GLUD1: variants seen among roughly 807,000 people sequenced by gnomAD.
GLUD1 encodes the protein glutamate dehydrogenase 1.
Under a neutral mutation model 56.0 loss-of-function variants are expected in GLUD1, and 22 were observed. That is an observed-to-expected ratio of 0.39 (90% CI 0.28 to 0.56). The LOEUF (loss-of-function observed/expected upper bound fraction) is 0.56. Ranked by LOEUF, GLUD1 falls within the 20% of genes least tolerant of loss-of-function variation. The probability of loss-of-function intolerance (pLI) is 0.58; values close to 1 mark genes in which losing one functional copy is unlikely to be tolerated. For synonymous variants in GLUD1, 223 were observed against 269.9 expected (o/e 0.83, Z 1.70); for missense variants, 451 against 732.0 (o/e 0.62, Z 4.43).
At chr10:87,063,832 G>C (rs978783887) in intron 5 of GLUD1, among the ~76,000 whole-genome samples, 10 of 152,076 alleles carry the variant, frequency 6.6e-5, no homozygotes, top group Admixed American at 2.6e-4. Context: ...CTGCAAAGTG[G>C]AGATGGGGGT....
intron 1 of GLUD1, among the ~76,000 whole-genome samples, chr10:87,078,666 TG>T (rs1841119187): frequency 6.6e-6 from 1 of 152,194 alleles, no homozygotes. Flanking sequence ...TTGACATACA[TG>T]TTAAGTTTTA....
At chr10:87,078,941 C>G (rs567362989) in intron 1 of GLUD1, among the ~76,000 whole-genome samples, 2 of 152,254 alleles carry the variant, frequency 1.3e-5, no homozygotes, top group South Asian at 4.1e-4. Flanking sequence ...GAGTTTGAAA[C>G]CAGCCTGGCC....
chr10:87,066,338 C>T (rs772559504), intron 5 of GLUD1, among the ~76,000 whole-genome samples: 1 of 152,160 alleles, frequency 6.6e-6, no homozygotes, highest in Non-Finnish European at 1.5e-5. Context: ...TGAGTCACAC[C>T]TGCTTGAAAC....
Position 87,051,358 on chromosome 10 carries a change from T to TA in GLUD1, c.*392dup. On this transcript the variant is annotated 3_prime_UTR_variant, in exon 13 of 13. Transcript: ENST00000277865. The stretch of plus-strand genomic sequence containing the variant: ...CCACACACCTACTTCTTAAATGTGT[T>TA]AAAGTTACAGTGTGTCCCAGACTCA... The TA allele has an allele frequency of 3.3e-6, 1 of 306,250 alleles. No individual in the cohort carries two copies. The highest frequency in any genetic ancestry group is 4.6e-5 in the Admixed American group (1 of 21,960). 19.0% of individuals were successfully genotyped at this position (306,250 alleles called of 1,614,324 possible).
chr10:87,059,079 A>G, intron 10 of GLUD1, 71 bp downstream of exon 10: 8 of 1,562,510 alleles, frequency 5.1e-6, no homozygotes, highest in Non-Finnish European at 7.1e-6. Flanking sequence ...AGTTCTCTTA[A>G]GTGGACCTTT....
In GLUD1 at chr10:87,094,066, T is replaced by C. The variant is rs1411996951; in HGVS notation, c.445+259A>G. 11 of 1,515,228 alleles carry C rather than the reference T, an allele frequency of 7.3e-6. No homozygotes were observed. Among genetic ancestry groups the C allele is most frequent in the Non-Finnish European group, 8.8e-6 (10 of 1,134,178 alleles). 93.9% of individuals were successfully genotyped at this position (1,515,228 alleles called of 1,614,324 possible). The stretch of plus-strand genomic sequence containing the variant: ...AAGGAGACCGGTGCAGCGTCTACTC[T>C]GCATGCAAGATCAGCATATACAGAG... On this transcript the variant is annotated intron_variant, in intron 1 of 12. Transcript: ENST00000277865. The surrounding 1 kb of genome is among the most constrained non-coding windows in gnomAD (Gnocchi z 6.6).
intron 5 of GLUD1, among the ~76,000 whole-genome samples, chr10:87,066,687 G>C (rs1846085415): frequency 6.6e-6 from 1 of 152,198 alleles, no homozygotes; most frequent in African/African-American, 2.4e-5. Context: ...AGGACTGGAT[G>C]GGCCTGTGAT....
Position 87,051,540 on chromosome 10 carries a change from G to T in GLUD1, c.*211C>A. ...ATACCAAAATGGCTCTCTGGTGTAGGTGATTTCTACTTTCACACTCAGCTT... is the reference window on the plus strand; with the variant it reads ...ATACCAAAATGGCTCTCTGGTGTAGTTGATTTCTACTTTCACACTCAGCTT... On this transcript the variant is annotated 3_prime_UTR_variant, in exon 13 of 13. Coordinates refer to ENST00000277865, the MANE Select transcript of GLUD1 (RefSeq NM_005271.5). 3.1e-6 allele frequency: 2 copies of T among 652,788 alleles called. No homozygotes were observed. The highest frequency in any genetic ancestry group is 2.8e-6 in the Non-Finnish European group (1 of 358,312). 40.4% of individuals were successfully genotyped at this position (652,788 alleles called of 1,614,324 possible). A position where few individuals can be genotyped will look rare whatever the true frequency, so the allele number is the denominator to read the frequency against.
intron 3 of GLUD1, 65 bp downstream of exon 3, chr10:87,075,903 G>T: frequency 9.2e-7 from 1 of 1,087,088 alleles, no homozygotes; most frequent in Non-Finnish European, 1.4e-6. Flanking sequence ...AACAGAGGAA[G>T]ACTCTGTCTC....
At chr10:87,084,366 C>A (rs1841333910) in intron 1 of GLUD1, among the ~76,000 whole-genome samples, 1 of 152,184 alleles carries the variant, frequency 6.6e-6, no homozygotes, top group South Asian at 2.1e-4. Context: ...CACAGATATT[C>A]CTTAGTATGC....
chr10:87,070,819 A>G (rs1846213922), intron 4 of GLUD1, among the ~76,000 whole-genome samples: 2 of 152,106 alleles, frequency 1.3e-5, no homozygotes, highest in Non-Finnish European at 1.5e-5. Context: ...ACTAATGTAT[A>G]GGGATGCACA....
chr10:87,094,512 C>T lies in GLUD1; in HGVS notation c.258G>A (p.Val86=). The change falls in exon 1 of 13, where the codon GTG becomes GTA. Residue 86 remains valine (V), a synonymous_variant. Transcript: ENST00000277865. This position sits in a 1 kb window ranked among gnomAD's most constrained non-coding sequence, Gnocchi z 6.6. ...RGASIVEDKL[V]EDLRTRESEE... ...CGCTCTCCCGGGTCCTCAGGTCCTC[C>T]ACCAGCTTGTCCTCCACGATGCTGG... 1 of 1,613,278 alleles carries T rather than the reference C, an allele frequency of 6.2e-7. No homozygotes were observed. The highest frequency in any genetic ancestry group is 8.5e-7 in the Non-Finnish European group (1 of 1,179,972).
rs773836257 is a variant in GLUD1 at position 87,057,673 on chromosome 10, T to G, written c.1494+18A>C. ...AGGGAGCATGTGTGAAGTACAACTG[T>G]GGGGTCACCACACTCACCGATATCC... is the stretch of plus-strand genomic sequence containing the variant. On this transcript the variant is annotated intron_variant, in intron 11 of 12. Transcript: ENST00000277865. 1 of 1,269,582 alleles carries G rather than the reference T, an allele frequency of 7.9e-7. No homozygotes were observed. Among genetic ancestry groups the G allele is most frequent in the Non-Finnish European group, 1.2e-6 (1 of 865,520 alleles). 78.6% of individuals were successfully genotyped at this position (1,269,582 alleles called of 1,614,324 possible).
chr10:87,073,856 C>T (rs1226677831), intron 4 of GLUD1, among the ~76,000 whole-genome samples: 5 of 151,984 alleles, frequency 3.3e-5, no homozygotes, highest in Admixed American at 1.3e-4. Flanking sequence ...GATCTGACCT[C>T]GTGATCCACC....
chr10:87,077,400 C>T (rs1273831156), intron 1 of GLUD1, among the ~76,000 whole-genome samples: 1 of 152,072 alleles, frequency 6.6e-6, no homozygotes, highest in Non-Finnish European at 1.5e-5. Flanking sequence ...GTTTTGGCTT[C>T]AAATGGGTAT....
chr10:87,062,866 T>G, intron 5 of GLUD1, 31 bp from the exon 6 acceptor site: 1 of 1,594,044 alleles, frequency 6.3e-7, no homozygotes, highest in South Asian at 1.1e-5. Flanking sequence ...AAGAATGAAA[T>G]GTCAAGTCCA....
chr10:87,059,473 T>C (rs551492172), intron 9 of GLUD1, among the ~76,000 whole-genome samples, 200 bp from the exon 10 acceptor site: 1,903 of 84,994 alleles, frequency 0.022, 48 homozygotes, highest in African/African-American at 0.096. Context: ...TTTTTCTATT[T>C]AGGAAAAAAA....
intron 1 of GLUD1, among the ~76,000 whole-genome samples, chr10:87,090,263 A>G (rs1841480113): frequency 6.6e-6 from 1 of 152,208 alleles, no homozygotes; most frequent in African/African-American, 2.4e-5. Flanking sequence ...TCTTCCCACT[A>G]TATGCCAAAA....
chr10:87,060,780 C>T lies in GLUD1; in HGVS notation c.1105G>A (p.Gly369Arg), dbSNP rs773719128. ...LGFPKAKPYE[G>R]SILEADCDIL... ...TCACAGTCGGCCTCCAAGATGCTTC[C>T]TTCATAGGGCTTTGCCTTGGGGAAG... Residue 369 changes from glycine (G) to arginine (R), a missense_variant, in exon 8 of 13, where the codon GGA (glycine) becomes AGA (arginine). By Grantham distance (125) the Gly-to-Arg change is moderately radical. Transcript: ENST00000277865. 5 of 1,614,070 alleles carry T rather than the reference C, an allele frequency of 3.1e-6. No homozygotes were observed.
Sources: allele counts gnomAD v4.1 joint callset (sites outside exome capture counted in the v4.1 genomes callset), GRCh38; gene constraint gnomAD v4.1.1; non-coding constraint Gnocchi (gnomAD v3.1); transcripts MANE v1.5; gene names NCBI Gene and HGNC (gene_info 2026-07-23, HGNC 2026-07-21).